FSTL4: variants seen among roughly 807,000 people sequenced by gnomAD.
FSTL4 encodes follistatin-related protein 4.
A neutral mutation model predicts 78.2 loss-of-function variants in FSTL4; 28 were observed. That is an observed-to-expected ratio of 0.36 (90% CI 0.27 to 0.49). FSTL4 has a LOEUF of 0.49. FSTL4 is among the 20% of genes least tolerant of loss of function. The pLI is 0.98. For missense variants in FSTL4, 922 were observed against 1,084.9 expected (o/e 0.85, Z 2.11); for synonymous variants, 422 against 440.5 (o/e 0.96, Z 0.53).
the FSTL4 span, among the ~76,000 whole-genome samples, chr5:133,812,728 T>C: frequency 6.6e-6 from 1 of 152,224 alleles, no homozygotes; most frequent in African/African-American, 2.4e-5. Context: ...TTTATTTACA[T>C]ACCTGTTTAT....
At chr5:133,339,184 C>A (rs1246441798) in intron 4 of FSTL4, among the ~76,000 whole-genome samples, 1 of 152,184 alleles carries the variant, frequency 6.6e-6, no homozygotes, top group Non-Finnish European at 1.5e-5. Flanking sequence ...TTGCCCCCGC[C>A]CCTTTCCAAG....
intron 3 of FSTL4, chr5:133,458,457 T>C (rs1757534402): frequency 6.6e-6 from 1 of 152,222 alleles, no homozygotes. Flanking sequence ...TCCTCCCCGT[T>C]CTCTGTCTTC....
rs571215705 is a variant in FSTL4 at position 133,364,463 on chromosome 5, C to T, written c.409+36275G>A. On this transcript the variant is annotated intron_variant, in intron 4 of 15. Coordinates refer to ENST00000265342, the MANE Select transcript of FSTL4 (RefSeq NM_015082.2). ...GCTGCCCCATGCCAGGGGCCTCTTACACCTGCTGAGCCCTGATTCAAGGTC... is the reference window on the plus strand; with the variant it reads ...GCTGCCCCATGCCAGGGGCCTCTTATACCTGCTGAGCCCTGATTCAAGGTC... 3.2e-4 allele frequency among the ~76,000 whole-genome samples: 49 copies of T among 152,344 alleles called. No homozygotes were observed. The South Asian group carries it at 9.5e-3, about 30-fold the overall frequency.
At chr5:133,674,611 C>G in the FSTL4 span, among the ~76,000 whole-genome samples, 12,323 of 138,278 alleles carry the variant, frequency 0.089, 570 homozygotes, top group Admixed American at 0.14. Context: ...GTGTGTGTGT[C>G]TGTGTGTGTG....
Position 133,425,588 on chromosome 5 carries a change from T to C in FSTL4, c.161-24602A>G, listed in dbSNP as rs548097199. Among the ~76,000 whole-genome samples, 3 of 152,390 alleles carry C rather than the reference T, an allele frequency of 2.0e-5. No homozygotes were observed. The South Asian group carries it at 6.2e-4, about 32-fold the overall frequency. On this transcript the variant is annotated intron_variant, in intron 3 of 15. Transcript: ENST00000265342. ...ATGCCCAACTGACCTCCCAAGACTC[T>C]GTAATATCTGAATTTCCACTGTTGG...
At chr5:133,579,960 G>A (rs1316564887) in intron 2 of FSTL4, among the ~76,000 whole-genome samples, 1 of 152,144 alleles carries the variant, frequency 6.6e-6, no homozygotes, top group African/African-American at 2.4e-5. Flanking sequence ...GGAAAGGGCC[G>A]GCTGGGAGCA....
chr5:133,690,463 A>T, the FSTL4 span, among the ~76,000 whole-genome samples: 1 of 152,136 alleles, frequency 6.6e-6, no homozygotes, highest in Non-Finnish European at 1.5e-5. Flanking sequence ...GCTTGGCATA[A>T]GAGATCAATA....
the FSTL4 span, among the ~76,000 whole-genome samples, chr5:133,701,177 C>T: frequency 6.6e-6 from 1 of 151,566 alleles, no homozygotes; most frequent in African/African-American, 2.4e-5. Flanking sequence ...CCAAGGCAGG[C>T]AGATCACTTG....
the FSTL4 span, among the ~76,000 whole-genome samples, chr5:133,741,304 G>T: frequency 6.6e-6 from 1 of 152,230 alleles, no homozygotes; most frequent in Non-Finnish European, 1.5e-5. Flanking sequence ...TAGAACAAGG[G>T]CATGGTTGCA....
chr5:133,231,261 GT>G (rs1292882276), intron 8 of FSTL4, among the ~76,000 whole-genome samples: 3 of 151,698 alleles, frequency 2.0e-5, no homozygotes, highest in Non-Finnish European at 4.4e-5. Context: ...ACCCTGAAGT[GT>G]TGTCCATACT....
chr5:133,451,072 G>A (rs1757375113), intron 3 of FSTL4, among the ~76,000 whole-genome samples: 1 of 152,192 alleles, frequency 6.6e-6, no homozygotes, highest in South Asian at 2.1e-4. Context: ...AAGGATGGGA[G>A]TTAGATCTGG....
intron 3 of FSTL4, among the ~76,000 whole-genome samples, chr5:133,469,993 C>T (rs1351734548): frequency 1.3e-5 from 2 of 152,026 alleles, no homozygotes; most frequent in East Asian, 1.9e-4. Flanking sequence ...ATCCACAGCC[C>T]GCAGAGAACC....
At chr5:133,698,295 C>T in the FSTL4 span, among the ~76,000 whole-genome samples, 5 of 152,196 alleles carry the variant, frequency 3.3e-5, no homozygotes, top group African/African-American at 1.2e-4. Flanking sequence ...AGGAGAGCAT[C>T]TGTACTGAGG....
intron 1 of FSTL4, among the ~76,000 whole-genome samples, chr5:133,609,368 A>C (rs572551746): frequency 6.6e-6 from 1 of 152,310 alleles, no homozygotes; most frequent in East Asian, 1.9e-4. Context: ...CCAAATACTG[A>C]CTGAATACAA....
At chr5:133,613,317 G>A (rs2112989665), upstream of FSTL4, among the ~76,000 whole-genome samples, 1 of 152,336 alleles carries the variant, frequency 6.6e-6, no homozygotes, top group East Asian at 1.9e-4. Flanking sequence ...TTAGGAGGGA[G>A]CCCCTACCCA....
At chr5:133,643,828 A>G in the FSTL4 span, among the ~76,000 whole-genome samples, 2 of 152,220 alleles carry the variant, frequency 1.3e-5, no homozygotes, top group Admixed American at 6.5e-5. Context: ...GAGAAAATCG[A>G]ATGAAGCCAG....
chr5:133,395,711 T>G (rs972687826), intron 4 of FSTL4, among the ~76,000 whole-genome samples: 1 of 150,974 alleles, frequency 6.6e-6, no homozygotes, highest in Admixed American at 6.5e-5. Context: ...CTGGAGGTAC[T>G]TCATGCCTGT....
chr5:133,739,245 A>C, the FSTL4 span, among the ~76,000 whole-genome samples: 1 of 151,816 alleles, frequency 6.6e-6, no homozygotes, highest in African/African-American at 2.4e-5. Flanking sequence ...AACCTGCCAC[A>C]CAGAGCCTAA....
the FSTL4 span, among the ~76,000 whole-genome samples, chr5:133,630,008 GAACT>G: frequency 6.6e-6 from 1 of 152,208 alleles, no homozygotes; most frequent in Admixed American, 6.5e-5. Context: ...AAAATAATAA[GAACT>G]ATTTATGAAA....
Sources: gnomAD v4.1 joint callset for allele counts (sites outside exome capture counted in the v4.1 genomes callset) on GRCh38, gnomAD v4.1.1 for gene constraint, MANE v1.5 for transcripts, NCBI Gene and HGNC (gene_info 2026-07-23, HGNC 2026-07-21) for gene names.